The following GALNT13 variants were observed in gnomAD, a reference collection of about 807,000 sequenced individuals.
The protein encoded by GALNT13 is polypeptide N-acetylgalactosaminyltransferase 13, also known as UDP-GalNAc:polypeptide N-acetylgalactosaminyltransferase 13.
A neutral mutation model predicts 64.2 loss-of-function variants in GALNT13; 28 were observed. That is an observed-to-expected ratio of 0.44 (90% confidence interval 0.32 to 0.60). The LOEUF is 0.60. Among genes scored for constraint, GALNT13 ranks in the 20% least tolerant of loss-of-function variants. The pLI is 0.05. For missense variants in GALNT13, 577 were observed against 669.8 expected, an observed-to-expected ratio of 0.86 and a Z score of 1.53; for synonymous variants, 214 against 224.6, an observed-to-expected ratio of 0.95 and a Z score of 0.42.
At chr2:153,549,188 T>C in the GALNT13 span, among the ~76,000 whole-genome samples, 5 of 152,190 alleles carry the variant, frequency 3.3e-5, no homozygotes, top group Non-Finnish European at 5.9e-5. Flanking sequence ...ATAGTAATGA[T>C]GTTTGCACAA....
intron 7 of GALNT13, among the ~76,000 whole-genome samples, chr2:154,256,793 C>T (rs1010070287): frequency 2.0e-5 from 3 of 152,096 alleles, no homozygotes; most frequent in African/African-American, 7.2e-5. Flanking sequence ...GACTATTCCC[C>T]TCTCGTTCAA....
At chr2:153,762,242 C>T in the GALNT13 span, 1 of 152,170 alleles carries the variant, frequency 6.6e-6, no homozygotes, top group African/African-American at 2.4e-5. Flanking sequence ...TCTGTCTTCA[C>T]ATTAGTCACA....
intron 3 of GALNT13, among the ~76,000 whole-genome samples, chr2:154,081,121 A>G (rs1047552130): frequency 3.3e-5 from 5 of 151,458 alleles, no homozygotes; most frequent in African/African-American, 1.2e-4. Flanking sequence ...AATCCAAATG[A>G]TTTTAGCATC....
intron 9 of GALNT13, among the ~76,000 whole-genome samples, chr2:154,329,151 G>A (rs1445372313): frequency 6.6e-6 from 1 of 152,092 alleles, no homozygotes; most frequent in Non-Finnish European, 1.5e-5. Context: ...TGTCACCCAG[G>A]CTAGAGTGCA....
At chr2:153,543,522 T>C in the GALNT13 span, among the ~76,000 whole-genome samples, 1 of 152,250 alleles carries the variant, frequency 6.6e-6, no homozygotes, top group Admixed American at 6.5e-5. Context: ...GAACACATTC[T>C]GCATTCTTAA....
chr2:154,025,044 T>C (rs1005748959), intron 3 of GALNT13, among the ~76,000 whole-genome samples: 2 of 152,170 alleles, frequency 1.3e-5, no homozygotes, highest in African/African-American at 4.8e-5. Context: ...GCCTGATCGT[T>C]CCTCTGGAAG....
the GALNT13 span, among the ~76,000 whole-genome samples, chr2:153,773,348 T>C: frequency 1.3e-5 from 2 of 152,202 alleles, no homozygotes; most frequent in Non-Finnish European, 2.9e-5. Context: ...CTTGCTGTAA[T>C]GCGCTGTGGC....
At chr2:154,176,296 A>T (rs1197058451) in intron 4 of GALNT13, among the ~76,000 whole-genome samples, 1 of 130,366 alleles carries the variant, frequency 7.7e-6, no homozygotes, top group Non-Finnish European at 1.7e-5. Flanking sequence ...TATTTATGGG[A>T]TGGAGTCTCG....
At chr2:153,559,848 G>T in the GALNT13 span, among the ~76,000 whole-genome samples, 1 of 152,006 alleles carries the variant, frequency 6.6e-6, no homozygotes, top group African/African-American at 2.4e-5. Context: ...GAAAAATAGG[G>T]TAAGTTTTTT....
At chr2:154,078,390 T>C (rs1426083355) in intron 3 of GALNT13, among the ~76,000 whole-genome samples, 1 of 151,534 alleles carries the variant, frequency 6.6e-6, no homozygotes, top group East Asian at 1.9e-4. Context: ...TTCTTCTTGA[T>C]AAAGGATTTG....
At chr2:154,205,432 T>C (rs1167730380) in intron 4 of GALNT13, among the ~76,000 whole-genome samples, 1 of 152,150 alleles carries the variant, frequency 6.6e-6, no homozygotes, top group Non-Finnish European at 1.5e-5. Flanking sequence ...AATATATACA[T>C]TTAGTAGAAA....
intron 3 of GALNT13, among the ~76,000 whole-genome samples, chr2:154,139,771 C>T (rs1683157127): frequency 6.6e-6 from 1 of 151,906 alleles, no homozygotes. Context: ...AATATTCAAG[C>T]CCAGAATATT....
In GALNT13 at chr2:154,112,418, C is replaced by T. The variant is rs1056946799; in HGVS notation, c.143-27919C>T. 4.6e-5 allele frequency among the ~76,000 whole-genome samples: 7 copies of T among 152,318 alleles called. 1 individual carries two copies. The highest frequency in any genetic ancestry group is 9.6e-5 in the African/African-American group (4 of 41,568). On this transcript the variant is annotated intron_variant, in intron 3 of 12. Transcript: ENST00000392825. ...CTATTGACTTGATTATTAAAATCCT[C>T]CTCTGCTGAGGTCACCCATTGGTGA...
the GALNT13 span, among the ~76,000 whole-genome samples, chr2:153,440,393 C>T: frequency 1.3e-5 from 2 of 152,246 alleles, no homozygotes; most frequent in South Asian, 2.1e-4. Flanking sequence ...CTGTTGTGAA[C>T]AGTGTTGCAA....
At position 154,287,136 on chromosome 2, in the gene GALNT13, A is replaced by G. The variant is rs76387578; in HGVS notation, c.976-14273A>G. On this transcript the variant is annotated intron_variant, in intron 8 of 12. Coordinates refer to ENST00000392825, the MANE Select transcript of GALNT13 (RefSeq NM_052917.4). ...ATGTCCTTGACACATCTGACCTTTG[A>G]GAAGGAGTTCACAGAAGCGGTGGAA... 5.1e-3 allele frequency: 7,097 copies of G among 1,386,970 alleles called. 146 individuals are homozygous for G. The African/African-American group carries it at 0.06, about 12-fold the overall frequency. 85.9% of individuals were successfully genotyped at this position (1,386,970 alleles called of 1,614,324 possible). A position where few individuals can be genotyped will look rare whatever the true frequency, so the allele number is the denominator to read the frequency against.
intron 9 of GALNT13, among the ~76,000 whole-genome samples, chr2:154,374,776 G>A (rs540103105): frequency 1.3e-5 from 2 of 152,202 alleles, no homozygotes; most frequent in African/African-American, 4.8e-5. Context: ...AGCTTATACT[G>A]TACTTTGAAA....
At chr2:153,709,838 T>C in the GALNT13 span, among the ~76,000 whole-genome samples, 2 of 152,014 alleles carry the variant, frequency 1.3e-5, no homozygotes, top group African/African-American at 2.4e-5. Flanking sequence ...TGTGACAACA[T>C]GGATGAACCT....
the GALNT13 span, among the ~76,000 whole-genome samples, chr2:153,852,342 TTAGA>T: frequency 6.6e-6 from 1 of 152,128 alleles, no homozygotes; most frequent in Non-Finnish European, 1.5e-5. Flanking sequence ...TATATCAGGA[TTAGA>T]TAAAGTGGAT....
chr2:153,903,798 C>T (rs920423235), intron 2 of GALNT13, among the ~76,000 whole-genome samples: 13 of 151,964 alleles, frequency 8.6e-5, no homozygotes, highest in African/African-American at 2.9e-4. Flanking sequence ...TGAATTTTTA[C>T]GCATTAAGGA....
Sources: allele counts gnomAD v4.1 joint callset (sites outside exome capture counted in the v4.1 genomes callset), GRCh38; gene constraint gnomAD v4.1.1; transcripts MANE v1.5; gene names NCBI Gene and HGNC (gene_info 2026-07-23, HGNC 2026-07-21).